SMAD3: variants seen among roughly 807,000 people sequenced by gnomAD.
SMAD3 encodes SMAD family member 3.
Under a neutral mutation model 51.8 loss-of-function variants are expected in SMAD3, and 12 were observed. The observed-to-expected ratio is 0.23, with a 90% confidence interval of 0.15 to 0.38. The LOEUF is 0.38. Ranked by LOEUF, SMAD3 falls within the 10% of genes least tolerant of loss-of-function variation. The pLI, the probability that SMAD3 is intolerant of heterozygous loss-of-function variation, is 1.00. For synonymous variants in SMAD3, 238 were observed against 227.7 expected (o/e 1.05, Z -0.41); for missense variants, 294 against 565.6 (o/e 0.52, Z 4.87).
intron 1 of SMAD3, among the ~76,000 whole-genome samples, chr15:67,145,556 A>T (rs1314456687): frequency 6.6e-6 from 1 of 152,188 alleles, no homozygotes; most frequent in Non-Finnish European, 1.5e-5. Flanking sequence ...TAACGTTAAA[A>T]TTCAGGAGTG....
intron 1 of SMAD3, among the ~76,000 whole-genome samples, chr15:67,147,632 A>G (rs1595928991): frequency 6.6e-6 from 1 of 151,080 alleles, no homozygotes; most frequent in Non-Finnish European, 1.5e-5. Flanking sequence ...TTTGCACACC[A>G]CCCTTCCACT....
intron 1 of SMAD3, chr15:67,143,125 A>G (rs1176624053): frequency 1.0e-5 from 2 of 192,364 alleles, no homozygotes. Context: ...TGTTATGAGC[A>G]TGTCAGCCAG....
At chr15:67,120,717 G>C (rs1316355929) in intron 1 of SMAD3, among the ~76,000 whole-genome samples, 2 of 152,200 alleles carry the variant, frequency 1.3e-5, no homozygotes, top group East Asian at 1.9e-4. Flanking sequence ...CAAGCTTCAT[G>C]GCTGCTCCAG....
At chr15:67,177,924 T>C (rs997985754) in intron 5 of SMAD3, among the ~76,000 whole-genome samples, 3 of 152,136 alleles carry the variant, frequency 2.0e-5, no homozygotes, top group African/African-American at 7.2e-5. Flanking sequence ...AGAAAGCGCA[T>C]GGCTGGGGTG....
At chr15:67,082,491 C>T (rs1960299536) in intron 1 of SMAD3, among the ~76,000 whole-genome samples, 1 of 152,232 alleles carries the variant, frequency 6.6e-6, no homozygotes, top group Non-Finnish European at 1.5e-5. Context: ...TGTGTTCTAG[C>T]TTCAAAACCA....
At chr15:67,127,134 A>G (rs575287253) in intron 1 of SMAD3, among the ~76,000 whole-genome samples, 2 of 152,228 alleles carry the variant, frequency 1.3e-5, no homozygotes, top group African/African-American at 4.8e-5. Context: ...CGAGCCTCAA[A>G]TCAAGCCCAG....
intron 7 of SMAD3, 22 bp from the exon 8 acceptor site, chr15:67,187,343 C>T (rs1332602005): frequency 1.2e-6 from 2 of 1,614,138 alleles, no homozygotes; most frequent in African/African-American, 1.3e-5. Flanking sequence ...TCCCCACAGC[C>T]CTGTTTCTGT....
At chr15:67,077,112 A>G (rs1960186481) in intron 1 of SMAD3, among the ~76,000 whole-genome samples, 1 of 152,190 alleles carries the variant, frequency 6.6e-6, no homozygotes, top group Non-Finnish European at 1.5e-5. Context: ...TCAAGGCAGG[A>G]TGATAGAACG....
At chr15:67,085,226 C>T (rs1235047800) in intron 1 of SMAD3, among the ~76,000 whole-genome samples, 1 of 152,152 alleles carries the variant, frequency 6.6e-6, no homozygotes, top group Non-Finnish European at 1.5e-5. Context: ...TGTCCAGCGG[C>T]TGTCACCATA....
chr15:67,146,560 G>A (rs1043020689), intron 1 of SMAD3, among the ~76,000 whole-genome samples: 3 of 152,148 alleles, frequency 2.0e-5, no homozygotes, highest in Admixed American at 6.5e-5. Context: ...GTGTGTTCGG[G>A]GATGGGGAGC....
intron 1 of SMAD3, among the ~76,000 whole-genome samples, chr15:67,079,167 G>A (rs370244454): frequency 1.3e-3 from 196 of 152,022 alleles, no homozygotes; most frequent in African/African-American, 4.5e-3. Flanking sequence ...TAGTAAAGAC[G>A]GGGTTTTTCT....
chr15:67,084,070 C>CTTTTTT (rs56675753), intron 1 of SMAD3, among the ~76,000 whole-genome samples: 46 of 85,060 alleles, frequency 5.4e-4, no homozygotes, highest in Middle Eastern at 0.011. Flanking sequence ...CTTTTTTTTT[C>CTTTTTT]TTTTTTTTTT....
intron 1 of SMAD3, among the ~76,000 whole-genome samples, chr15:67,147,370 G>T (rs1447162240): frequency 6.6e-6 from 1 of 152,126 alleles, no homozygotes; most frequent in African/African-American, 2.4e-5. Context: ...CTTTATTGTG[G>T]TGTTAGCTTC....
chr15:67,187,648 A>G, intron 8 of SMAD3, 139 bp downstream of exon 8: 1 of 1,090,880 alleles, frequency 9.2e-7, no homozygotes, highest in South Asian at 1.3e-5. Flanking sequence ...AGAGAGGCCA[A>G]GGCCTGGCAG....
chr15:67,075,122 G>C (rs532690817), intron 1 of SMAD3, among the ~76,000 whole-genome samples: 3 of 151,978 alleles, frequency 2.0e-5, no homozygotes, highest in South Asian at 2.1e-4. Flanking sequence ...ATGCCAAAAG[G>C]CATTTTTTCC....
chr15:67,113,756 C>G (rs1310338163), intron 1 of SMAD3, among the ~76,000 whole-genome samples: 1 of 152,138 alleles, frequency 6.6e-6, no homozygotes, highest in African/African-American at 2.4e-5. Context: ...CCCATAGATC[C>G]TAGGAACCTG....
intron 1 of SMAD3, among the ~76,000 whole-genome samples, chr15:67,144,966 C>T (rs1350779765): frequency 6.6e-6 from 1 of 152,052 alleles, no homozygotes; most frequent in African/African-American, 2.4e-5. Flanking sequence ...CTCATCCTCA[C>T]AAAGCCAGGC....
chr15:67,153,876 T>C (rs1373054868), intron 1 of SMAD3, among the ~76,000 whole-genome samples: 2 of 152,226 alleles, frequency 1.3e-5, no homozygotes, highest in African/African-American at 4.8e-5. Context: ...CTGAACTTTC[T>C]CCAGTAACCA....
At chr15:67,154,092 A>G (rs564946624) in intron 1 of SMAD3, among the ~76,000 whole-genome samples, 1 of 152,240 alleles carries the variant, frequency 6.6e-6, no homozygotes, top group East Asian at 1.9e-4. Flanking sequence ...AGGTTGCCCC[A>G]TCTGCCTGGG....
Sources: gnomAD v4.1 joint callset for allele counts (sites outside exome capture counted in the v4.1 genomes callset) on GRCh38, gnomAD v4.1.1 for gene constraint, MANE v1.5 for transcripts, NCBI Gene and HGNC (gene_info 2026-07-23, HGNC 2026-07-21) for gene names.